HEATR4: variants seen among roughly 807,000 people sequenced by gnomAD.
HEATR4 encodes the protein HEAT repeat-containing protein 4.
Under a neutral mutation model 108.8 loss-of-function variants are expected in HEATR4, and 95 were observed. The observed-to-expected ratio is 0.87, with a 90% CI of 0.74 to 1.04. The LOEUF (loss-of-function observed/expected upper bound fraction) is 1.04, where lower values mean the gene tolerates loss of function less well. Among genes scored for constraint, HEATR4 ranks in the 50% least tolerant of loss-of-function variants. The pLI, the probability that HEATR4 is intolerant of heterozygous loss-of-function variation, is 0.00. For missense variants in HEATR4, 1,152 were observed against 1,253.8 expected (o/e 0.92, Z 1.23); for synonymous variants, 443 against 459.4 (o/e 0.96, Z 0.46).
At chr14:73,578,130 C>T in the HEATR4 span, among the ~76,000 whole-genome samples, 1 of 151,806 alleles carries the variant, frequency 6.6e-6, no homozygotes, top group African/African-American at 2.4e-5. Context: ...GGATTATAGG[C>T]GTGAGCCACC....
chr14:73,487,237 G>T lies in HEATR4; in HGVS notation c.2844+5829C>A, dbSNP rs1357162242. On this transcript the variant is annotated intron_variant, in intron 17 of 17. Coordinates refer to ENST00000553558, the MANE Select transcript of HEATR4 (RefSeq NM_001220484.1). ...AATGCTTAAAAATCAAGAAAAATGA[G>T]ATGAATTAGGGAAAGTAAAGTTTAT... is the stretch of plus-strand genomic sequence containing the variant. Among the ~76,000 whole-genome samples, 5 of 147,278 alleles carry T rather than the reference G, an allele frequency of 3.4e-5. 1 individual carries two copies. Among genetic ancestry groups the T allele is most frequent in the Non-Finnish European group, 6.0e-5 (4 of 66,988 alleles).
At chr14:73,633,238 C>G in the HEATR4 span, among the ~76,000 whole-genome samples, 1 of 152,142 alleles carries the variant, frequency 6.6e-6, no homozygotes, top group African/African-American at 2.4e-5. Context: ...CTCCTGACCT[C>G]ACGTGATCCA....
At chr14:73,590,951 G>C in the HEATR4 span, among the ~76,000 whole-genome samples, 1 of 152,250 alleles carries the variant, frequency 6.6e-6, no homozygotes, top group Non-Finnish European at 1.5e-5. Context: ...AGGAGGCGCC[G>C]ACAGCGAGCG....
chr14:73,501,467 C>T (rs1437121824), intron 11 of HEATR4, among the ~76,000 whole-genome samples: 1 of 151,534 alleles, frequency 6.6e-6, no homozygotes, highest in Non-Finnish European at 1.5e-5. Flanking sequence ...GTTGCCCAGG[C>T]TGGTCTTGAA....
intron 17 of HEATR4, among the ~76,000 whole-genome samples, chr14:73,490,574 G>C (rs1885642238): frequency 6.6e-6 from 1 of 152,182 alleles, no homozygotes; most frequent in Non-Finnish European, 1.5e-5. Context: ...GCCCGCCTCG[G>C]CCTCCCAAAG....
intron 16 of HEATR4, among the ~76,000 whole-genome samples, chr14:73,494,844 C>T (rs145920609): frequency 5.3e-5 from 8 of 152,154 alleles, no homozygotes; most frequent in South Asian, 2.1e-4. Flanking sequence ...TCCAGGTGTG[C>T]GCCACCACGC....
chr14:73,590,599 G>T, the HEATR4 span, among the ~76,000 whole-genome samples: 1 of 152,222 alleles, frequency 6.6e-6, no homozygotes, highest in Non-Finnish European at 1.5e-5. Context: ...AGGCATGGCG[G>T]GCTGCAGGTC....
chr14:73,547,891 A>T lies in HEATR4; in HGVS notation c.-152+10860T>A, dbSNP rs1427215257. Among the ~76,000 whole-genome samples, 8 of 115,048 alleles carry T rather than the reference A, an allele frequency of 7.0e-5. 3 individuals are homozygous for T. Among genetic ancestry groups the T allele is most frequent in the Non-Finnish European group, 1.5e-4 (8 of 52,772 alleles). The allele number at this position is 115,048 out of a possible 152,430, so 75.5% of individuals were successfully genotyped here. A position where few individuals can be genotyped will look rare whatever the true frequency, so the allele number is the denominator to read the frequency against. Reference sequence around the variant, plus strand: ...ACAGAGTGAGACCCTGTCTCAAAAAATAAAATAAAAATAAAGTGTACAAAG... The same window carrying T: ...ACAGAGTGAGACCCTGTCTCAAAAATTAAAATAAAAATAAAGTGTACAAAG... On this transcript the variant is annotated intron_variant, in intron 1 of 17. Coordinates refer to ENST00000553558, the MANE Select transcript of HEATR4 (RefSeq NM_001220484.1).
the HEATR4 span, among the ~76,000 whole-genome samples, chr14:73,564,632 A>C: frequency 6.6e-6 from 1 of 151,804 alleles, no homozygotes; most frequent in East Asian, 1.9e-4. Flanking sequence ...CAAATAAACA[A>C]ATACTATGCA....
chr14:73,618,288 C>T, the HEATR4 span, among the ~76,000 whole-genome samples: 1 of 152,176 alleles, frequency 6.6e-6, no homozygotes, highest in African/African-American at 2.4e-5. Flanking sequence ...GTTCTCTCCC[C>T]CACAACCCCT....
intron 10 of HEATR4, among the ~76,000 whole-genome samples, chr14:73,505,495 C>T (rs1214945354): frequency 6.6e-6 from 1 of 151,902 alleles, no homozygotes; most frequent in Non-Finnish European, 1.5e-5. Context: ...CTCCCAGGTT[C>T]AAGCAATTCT....
At chr14:73,573,616 G>A in the HEATR4 span, 1 of 1,612,386 alleles carries the variant, frequency 6.2e-7, no homozygotes, top group African/African-American at 1.3e-5. Context: ...AGATTTATGG[G>A]CTATGATGTA....
At chr14:73,573,517 T>A in the HEATR4 span, 80 of 1,613,604 alleles carry the variant, frequency 5.0e-5, 1 homozygote, top group East Asian at 1.7e-3. Context: ...TATGAAGACC[T>A]CCCCAAGACC....
the HEATR4 span, among the ~76,000 whole-genome samples, chr14:73,626,246 A>G: frequency 1.3e-5 from 2 of 152,176 alleles, no homozygotes; most frequent in Admixed American, 6.5e-5. Context: ...ATATACAACA[A>G]CGCTAATAAT....
intron 17 of HEATR4, among the ~76,000 whole-genome samples, chr14:73,487,184 CAA>C (rs34910198): frequency 7.4e-6 from 1 of 135,354 alleles, no homozygotes; most frequent in Non-Finnish European, 1.6e-5. Context: ...TGATTCAAAA[CAA>C]AAAAAAAAAG....
intron 10 of HEATR4, among the ~76,000 whole-genome samples, chr14:73,504,781 A>G (rs1365892194): frequency 1.3e-5 from 2 of 152,328 alleles, no homozygotes; most frequent in Admixed American, 6.5e-5. Context: ...GAGATATCCA[A>G]AGTTATAAGG....
At position 73,498,349 on chromosome 14, in the gene HEATR4, A is replaced by C. The variant is rs780397547; in HGVS notation, c.2357-5T>G. 4 of 1,587,718 alleles carry C rather than the reference A, an allele frequency of 2.5e-6. No homozygotes were observed. In the East Asian group the frequency reaches 9.1e-5, roughly 36 times the overall value. On this transcript the variant is annotated splice_region_variant and splice_polypyrimidine_tract_variant and intron_variant, in intron 13 of 17. Transcript: ENST00000553558. ...CTTGCCCAATCTGTCCCAAAGCTGC[A>C]GAGATTAGAGGGCAGCATGTCACTG...
At chr14:73,570,655 A>T in the HEATR4 span, among the ~76,000 whole-genome samples, 2 of 152,066 alleles carry the variant, frequency 1.3e-5, no homozygotes, top group African/African-American at 2.4e-5. Context: ...CTGTAATCCT[A>T]GCGCTTTGGG....
chr14:73,585,381 C>CTT, the HEATR4 span, among the ~76,000 whole-genome samples: 15 of 152,078 alleles, frequency 9.9e-5, no homozygotes, highest in African/African-American at 3.4e-4. Flanking sequence ...CAAGTCCCCA[C>CTT]TTTTTAATAC....
Sources: gnomAD v4.1 joint callset for allele counts (sites outside exome capture counted in the v4.1 genomes callset) on GRCh38, gnomAD v4.1.1 for gene constraint, MANE v1.5 for transcripts, NCBI Gene and HGNC (gene_info 2026-07-23, HGNC 2026-07-21) for gene names.